The following HSD17B12 variants were observed in gnomAD, a reference collection of about 807,000 sequenced individuals.
The protein encoded by HSD17B12 is very-long-chain 3-oxoacyl-CoA reductase.
A neutral mutation model predicts 39.3 loss-of-function variants in HSD17B12; 32 were observed. The ratio of observed to expected loss-of-function variants is 0.81; its 90% CI spans 0.61 to 1.09. The LOEUF (loss-of-function observed/expected upper bound fraction) is 1.09. Among genes scored for constraint, HSD17B12 ranks in the 50% least tolerant of loss-of-function variants. The pLI, the probability that HSD17B12 is intolerant of heterozygous loss-of-function variation, is 0.00. For missense variants in HSD17B12, 342 were observed against 382.9 expected (o/e 0.89, Z 0.89); for synonymous variants, 150 against 146.7 (o/e 1.02, Z -0.16).
chr11:43,764,305 G>A (rs989971133), intron 3 of HSD17B12, among the ~76,000 whole-genome samples: 18 of 152,252 alleles, frequency 1.2e-4, no homozygotes, highest in Middle Eastern at 3.4e-3. Context: ...GGCCATTTCT[G>A]TGGGGAATGA....
At chr11:43,584,220 T>A in the HSD17B12 span, among the ~76,000 whole-genome samples, 1 of 152,176 alleles carries the variant, frequency 6.6e-6, no homozygotes, top group South Asian at 2.1e-4. Context: ...TGTGGTTGCT[T>A]TCAGTCCCTC....
At chr11:43,789,818 G>A (rs185728236) in intron 3 of HSD17B12, among the ~76,000 whole-genome samples, 2 of 152,148 alleles carry the variant, frequency 1.3e-5, no homozygotes, top group Admixed American at 1.3e-4. Context: ...TGTGGTCCCA[G>A]CTACTTGGGA....
intron 10 of HSD17B12, 67 bp downstream of exon 10, chr11:43,854,931 A>C: frequency 2.0e-6 from 3 of 1,511,322 alleles, no homozygotes; most frequent in Non-Finnish European, 2.7e-6. Flanking sequence ...ATTGAGTTAC[A>C]GGATAGTATG....
At chr11:43,734,604 C>T in intron 1 of HSD17B12, 1 of 355,890 alleles carries the variant, frequency 2.8e-6, no homozygotes, top group Non-Finnish European at 5.4e-6. Flanking sequence ...GGCCAACTGG[C>T]CACAGCCCCG....
At chr11:43,839,960 A>T in intron 8 of HSD17B12, 39 bp from the exon 9 acceptor site, 1 of 1,465,636 alleles carries the variant, frequency 6.8e-7, no homozygotes, top group Non-Finnish European at 9.5e-7. Context: ...AGATTGATGT[A>T]ATGTGTGTGT....
the HSD17B12 span, among the ~76,000 whole-genome samples, chr11:43,573,640 C>T: frequency 1.3e-5 from 2 of 152,200 alleles, no homozygotes; most frequent in African/African-American, 4.8e-5. Flanking sequence ...CTGTCTTGAT[C>T]TCAACATCAG....
intron 3 of HSD17B12, among the ~76,000 whole-genome samples, chr11:43,789,886 C>T (rs865799835): frequency 3.3e-5 from 5 of 152,134 alleles, no homozygotes; most frequent in African/African-American, 9.6e-5. Context: ...GAGCCATGAC[C>T]GCGCCACTGC....
the HSD17B12 span, among the ~76,000 whole-genome samples, chr11:43,631,573 GTCTC>G: frequency 1.2e-4 from 18 of 147,302 alleles, no homozygotes; most frequent in African/African-American, 3.2e-4. Flanking sequence ...CTCTCTGCCT[GTCTC>G]TCTCTCTCTC....
chr11:43,606,789 A>G, the HSD17B12 span, among the ~76,000 whole-genome samples: 2 of 152,348 alleles, frequency 1.3e-5, no homozygotes, highest in East Asian at 3.9e-4. Flanking sequence ...TGGGATCAAT[A>G]GAGGCTTCCA....
chr11:43,779,417 C>G (rs117973763), intron 3 of HSD17B12, among the ~76,000 whole-genome samples: 1 of 152,194 alleles, frequency 6.6e-6, no homozygotes, highest in Admixed American at 6.5e-5. Context: ...AATAAACTTA[C>G]AACATTGGTT....
chr11:43,789,892 A>G (rs1950850982), intron 3 of HSD17B12, among the ~76,000 whole-genome samples: 1 of 152,088 alleles, frequency 6.6e-6, no homozygotes, highest in Non-Finnish European at 1.5e-5. Flanking sequence ...TGACCGCGCC[A>G]CTGCACTCTA....
chr11:43,733,689 A>T, intron 1 of HSD17B12: 1 of 492,174 alleles, frequency 2.0e-6, no homozygotes, highest in South Asian at 1.7e-5. Flanking sequence ...TTTTAAAAAA[A>T]GGGGTTTAGG....
chr11:43,773,216 G>A (rs778299810), intron 3 of HSD17B12, among the ~76,000 whole-genome samples: 2 of 151,982 alleles, frequency 1.3e-5, no homozygotes, highest in Non-Finnish European at 2.9e-5. Context: ...AATATTTTGT[G>A]GTTTATTTAT....
chr11:43,777,871 A>G lies in HSD17B12; in HGVS notation c.284-20449A>G, dbSNP rs1950723652. 5.9e-5 allele frequency among the ~76,000 whole-genome samples: 9 copies of G among 152,328 alleles called. No individual in the cohort carries two copies. In the South Asian group the frequency reaches 1.9e-3, roughly 32 times the overall value. ...AAATTTATAGCACTAAATGCCCACA[A>G]GAGAAAGCAGGAAAGATCCAAAATT... On this transcript the variant is annotated intron_variant, in intron 3 of 10. Transcript: ENST00000278353.
chr11:43,601,076 A>AT, the HSD17B12 span, among the ~76,000 whole-genome samples: 1 of 149,578 alleles, frequency 6.7e-6, no homozygotes, highest in African/African-American at 2.5e-5. Flanking sequence ...TCCTTTTTTT[A>AT]TTTTTATTTT....
At chr11:43,624,056 G>C in the HSD17B12 span, among the ~76,000 whole-genome samples, 1 of 139,642 alleles carries the variant, frequency 7.2e-6, no homozygotes, top group East Asian at 1.9e-4. Context: ...ATAATTCAAA[G>C]GAAAAAAAAA....
intron 3 of HSD17B12, among the ~76,000 whole-genome samples, chr11:43,774,056 A>AT (rs1429057613): frequency 6.6e-6 from 1 of 152,132 alleles, no homozygotes; most frequent in Non-Finnish European, 1.5e-5. Context: ...GATAGGAATG[A>AT]TCTAAGTGGG....
chr11:43,617,663 G>A, the HSD17B12 span, among the ~76,000 whole-genome samples: 6 of 152,196 alleles, frequency 3.9e-5, no homozygotes, highest in East Asian at 5.8e-4. Flanking sequence ...GTCTGTGTAC[G>A]CCAAAACCAA....
chr11:43,622,043 C>T, the HSD17B12 span, among the ~76,000 whole-genome samples: 2 of 152,188 alleles, frequency 1.3e-5, no homozygotes, highest in African/African-American at 4.8e-5. Context: ...TTGGTTGAGT[C>T]ACAGAATCGG....
Sources: allele counts gnomAD v4.1 joint callset (sites outside exome capture counted in the v4.1 genomes callset), GRCh38; gene constraint gnomAD v4.1.1; transcripts MANE v1.5; gene names NCBI Gene and HGNC (gene_info 2026-07-23, HGNC 2026-07-21).